Variants in UGT3A2 observed in about 807,000 individuals in gnomAD.
The protein encoded by UGT3A2 is UDP-glycosyltransferase 3A2.
UGT3A2 carries 32 observed loss-of-function variants against 39.8 expected under a neutral mutation model. That is an observed-to-expected ratio of 0.80 (90% CI 0.61 to 1.08). UGT3A2 has a LOEUF of 1.08. Among genes scored for constraint, UGT3A2 ranks in the 50% least tolerant of loss-of-function variants. The pLI is 0.00. For synonymous variants in UGT3A2, 241 were observed against 230.7 expected (o/e 1.04, Z -0.40); for missense variants, 611 against 637.1 (o/e 0.96, Z 0.44).
intron 2 of UGT3A2, among the ~76,000 whole-genome samples, chr5:36,058,398 A>G (rs1742580300): frequency 6.6e-6 from 1 of 152,202 alleles, no homozygotes; most frequent in East Asian, 1.9e-4. Flanking sequence ...AGGCCAAAAG[A>G]GTGAGGGTCG....
intron 2 of UGT3A2, among the ~76,000 whole-genome samples, chr5:36,063,966 A>G (rs1315914697): frequency 6.6e-6 from 1 of 152,148 alleles, no homozygotes; most frequent in East Asian, 1.9e-4. Context: ...GCCATCTTAT[A>G]AAGTAGTATT....
chr5:36,045,420 A>G (rs527285586), intron 4 of UGT3A2, among the ~76,000 whole-genome samples: 1 of 152,198 alleles, frequency 6.6e-6, no homozygotes, highest in African/African-American at 2.4e-5. Context: ...CCTGGCCAAC[A>G]TGGTGAAACC....
At chr5:36,036,782 G>A (rs531339561) in intron 6 of UGT3A2, among the ~76,000 whole-genome samples, 1 of 152,350 alleles carries the variant, frequency 6.6e-6, no homozygotes, top group Non-Finnish European at 1.5e-5. Flanking sequence ...TAGAACTGCT[G>A]AGTGTCTCCT....
chr5:36,063,904 G>A (rs1021151257), intron 2 of UGT3A2, among the ~76,000 whole-genome samples: 2 of 152,128 alleles, frequency 1.3e-5, no homozygotes, highest in African/African-American at 4.8e-5. Flanking sequence ...CTAAAGTGCT[G>A]GGATTACAGG....
At chr5:36,056,043 C>T (rs995911327) in intron 2 of UGT3A2, among the ~76,000 whole-genome samples, 8 of 152,192 alleles carry the variant, frequency 5.3e-5, no homozygotes, top group Admixed American at 6.5e-5. Context: ...AGCCTCCACA[C>T]ATCTTTACGA....
rs757235597 is a variant in UGT3A2, at chr5:36,048,957, G to A, written c.775C>T (p.Arg259Ter). 81 of 1,613,986 alleles carry A rather than the reference G, an allele frequency of 5.0e-5. No individual in the cohort carries two copies. Among genetic ancestry groups the A allele is most frequent in the South Asian group, 1.4e-4 (13 of 91,078 alleles). Residue 259 changes from arginine to a stop codon, truncating the protein, a stop_gained, in exon 4 of 7, where the codon CGA becomes TGA. Coordinates refer to ENST00000282507, the MANE Select transcript of UGT3A2 (RefSeq NM_174914.4). LOFTEE classifies it high-confidence loss of function. ...TAAACAGTGTTGGGAAGCAGAGGTCGAGCAAAATCAAAGGCAAAGTCAGAG... is the reference window on the plus strand; with the variant it reads ...TAAACAGTGTTGGGAAGCAGAGGTCAAGCAAAATCAAAGGCAAAGTCAGAG... The part of the protein sequence containing the change: ...INSDFAFDFA[R>*]PLLPNTVYVG...
intron 2 of UGT3A2, among the ~76,000 whole-genome samples, chr5:36,053,510 A>G (rs1391308027): frequency 6.6e-6 from 1 of 152,194 alleles, no homozygotes; most frequent in Non-Finnish European, 1.5e-5. Flanking sequence ...AATCTGTCCA[A>G]GTTGCAATAC....
rs1742812536 is a variant in UGT3A2, at chr5:36,064,335, AG to A, written c.109del (p.Leu37TyrfsTer2). ...AATCTGAGAAACCCGGTCCATCAGTAGATAATGGCTTCCACCTAGGAACAAT... is the reference window on the plus strand; with the variant it reads ...AATCTGAGAAACCCGGTCCATCAGTAATAATGGCTTCCACCTAGGAACAAT... The part of the protein sequence containing the change: ...TISTVGGSHY[L>X]LMDRVSQILQ... On this transcript the variant is annotated frameshift_variant, in exon 2 of 7. Transcript: ENST00000282507. LOFTEE classifies it high-confidence loss of function. 1 of 1,614,166 alleles carries A rather than the reference AG, an allele frequency of 6.2e-7. No individual in the cohort carries two copies. The highest frequency in any genetic ancestry group is 8.5e-7 in the Non-Finnish European group (1 of 1,180,016).
Position 36,066,879 on chromosome 5 carries a change from C to G in UGT3A2, c.-90G>C. 5.4e-6 allele frequency: 8 copies of G among 1,469,542 alleles called. No individual in the cohort carries two copies. Among genetic ancestry groups the G allele is most frequent in the Non-Finnish European group, 6.7e-6 (7 of 1,050,802 alleles). The allele number at this position is 1,469,542 out of a possible 1,614,324, so 91.0% of individuals were successfully genotyped here. A position where few individuals can be genotyped will look rare whatever the true frequency, so the allele number is the denominator to read the frequency against. On this transcript the variant is annotated 5_prime_UTR_variant, in exon 1 of 7. Transcript: ENST00000282507. ...CCTGTGCACCTCAGTGCGCCAAAGG[C>G]ACTGGCTGTGGGTAGAGGTAGGAGT...
chr5:36,065,063 T>C (rs1020214538), intron 1 of UGT3A2, among the ~76,000 whole-genome samples: 2 of 152,100 alleles, frequency 1.3e-5, no homozygotes, highest in African/African-American at 2.4e-5. Flanking sequence ...GAAACATCCA[T>C]CCTAAGGAAA....
In UGT3A2 at chr5:36,049,222, G is replaced by A. The variant is rs148290056; in HGVS notation, c.510C>T (p.Phe170=). 630 of 1,614,086 alleles carry A rather than the reference G, an allele frequency of 3.9e-4. 1 individual carries two copies. The African/African-American group carries it at 7.4e-3, about 19-fold the overall frequency. The change falls in exon 4 of 7, where the codon TTC becomes TTT. Residue 170 remains phenylalanine (F), a synonymous_variant. Transcript: ENST00000282507. ...KPFVAILSTS[F]GSLEFGLPIP... is the part of the protein sequence containing the mutation. ...TTGGTAGCCCAAATTCCAAAGAGCCGAATGAAGTGGAAAGAATGGCCACAA... is the reference window on the plus strand; with the variant it reads ...TTGGTAGCCCAAATTCCAAAGAGCCAAATGAAGTGGAAAGAATGGCCACAA...
At chr5:36,056,450 C>T (rs1289234606) in intron 2 of UGT3A2, among the ~76,000 whole-genome samples, 2 of 152,218 alleles carry the variant, frequency 1.3e-5, no homozygotes, top group African/African-American at 2.4e-5. Flanking sequence ...GACCAGCTCA[C>T]AATGAATTTT....
chr5:36,065,540 C>A (rs1434694593), intron 1 of UGT3A2, among the ~76,000 whole-genome samples: 1 of 152,082 alleles, frequency 6.6e-6, no homozygotes, highest in Non-Finnish European at 1.5e-5. Context: ...TGTGTACTTT[C>A]AAGAAGTTAA....
rs751347029 is a variant in UGT3A2 at position 36,035,848 on chromosome 5, A to G, written c.1422T>C (p.Tyr474=). Residue 474 remains tyrosine, a synonymous_variant, in exon 7 of 7, where the codon TAT becomes TAC. Transcript: ENST00000282507. ...QTGGATHLKP[Y]VFQQPWHEQY... is the part of the protein sequence containing the mutation. Reference sequence around the variant, plus strand: ...GCTCATGCCAGGGCTGCTGAAAGACATAGGGCTTGAGGTGCGTCGCGCCCC... The same window carrying G: ...GCTCATGCCAGGGCTGCTGAAAGACGTAGGGCTTGAGGTGCGTCGCGCCCC... 6.2e-7 allele frequency: 1 copy of G among 1,614,196 alleles called. No homozygotes were observed.
At chr5:36,049,780 A>G (rs1174170379) in intron 3 of UGT3A2, among the ~76,000 whole-genome samples, 3 of 152,130 alleles carry the variant, frequency 2.0e-5, no homozygotes, top group Non-Finnish European at 4.4e-5. Flanking sequence ...TTACACATGG[A>G]GTTTTTATGA....
At chr5:36,039,855 T>C (rs1425536965) in intron 4 of UGT3A2, 147 bp from the exon 5 acceptor site, 8 of 654,080 alleles carry the variant, frequency 1.2e-5, no homozygotes, top group South Asian at 1.9e-5. Context: ...TATAGCTCGA[T>C]ACTAGCTGCA....
intron 4 of UGT3A2, among the ~76,000 whole-genome samples, chr5:36,041,535 A>G (rs76651987): frequency 0.026 from 3,950 of 152,266 alleles, 68 homozygotes; most frequent in Non-Finnish European, 0.037. Context: ...AGCTTAGCAC[A>G]GGGAGAGAGA....
chr5:36,036,615 A>G (rs975696061), intron 6 of UGT3A2, among the ~76,000 whole-genome samples: 1 of 152,212 alleles, frequency 6.6e-6, no homozygotes, highest in Non-Finnish European at 1.5e-5. Context: ...TGAAAAATCC[A>G]ACGAAAGCTA....
At position 36,044,030 on chromosome 5, in the gene UGT3A2, A is replaced by C. The variant is rs1435239410; in HGVS notation, c.844-4322T>G. On this transcript the variant is annotated intron_variant, in intron 4 of 6. Transcript: ENST00000282507. ...TTATACCAAAACCAGACAAATACAC[A>C]TCGGAAAAAGGAAACTACAGGCTAA... 2.6e-5 allele frequency among the ~76,000 whole-genome samples: 4 copies of C among 152,100 alleles called. 1 individual carries two copies. Among genetic ancestry groups the C allele is most frequent in the Non-Finnish European group, 5.9e-5 (4 of 67,966 alleles).
Sources: allele counts gnomAD v4.1 joint callset (sites outside exome capture counted in the v4.1 genomes callset), GRCh38; gene constraint gnomAD v4.1.1; transcripts MANE v1.5; gene names NCBI Gene and HGNC (gene_info 2026-07-23, HGNC 2026-07-21).